TPO: variants seen among roughly 807,000 people sequenced by gnomAD.
TPO encodes thyroid peroxidase.
TPO carries 78 observed loss-of-function variants against 96.9 expected under a neutral mutation model. The ratio of observed to expected loss-of-function variants is 0.81; its 90% CI spans 0.67 to 0.97. TPO has a LOEUF of 0.97. Ranked by LOEUF, TPO falls within the 50% of genes least tolerant of loss-of-function variation. The pLI is 0.00. For synonymous variants in TPO, 547 were observed against 538.0 expected, an observed-to-expected ratio of 1.02 and a Z score of -0.23; for missense variants, 1,252 against 1,274.8, an observed-to-expected ratio of 0.98 and a Z score of 0.27.
In TPO at chr2:1,435,213, G is replaced by A. The variant is rs1366553288; in HGVS notation, c.350-1039G>A. 2.6e-5 allele frequency among the ~76,000 whole-genome samples: 4 copies of A among 152,304 alleles called. No individual in the cohort carries two copies. The East Asian group carries it at 5.8e-4, about 22-fold the overall frequency. On this transcript the variant is annotated intron_variant, in intron 4 of 16. Coordinates refer to ENST00000329066, the MANE Select transcript of TPO (RefSeq NM_001206744.2). ...CTCCCAAAGTGCTGGGATTACAGGC[G>A]TGAGCCACCGTACCCGGCCAATGGT...
At chr2:1,446,525 T>G (rs931687514) in intron 5 of TPO, among the ~76,000 whole-genome samples, 3 of 152,174 alleles carry the variant, frequency 2.0e-5, no homozygotes, top group African/African-American at 7.2e-5. Flanking sequence ...TCCTGTGGTT[T>G]AACTTCACAT....
chr2:1,419,971 C>T (rs1303320006), intron 2 of TPO, among the ~76,000 whole-genome samples: 3 of 152,194 alleles, frequency 2.0e-5, no homozygotes, highest in Non-Finnish European at 4.4e-5. Context: ...CATCTCTATT[C>T]AGCCAAGAAG....
chr2:1,455,599 G>A (rs1457306221), intron 6 of TPO, among the ~76,000 whole-genome samples: 1 of 152,176 alleles, frequency 6.6e-6, no homozygotes, highest in African/African-American at 2.4e-5. Flanking sequence ...ATGTCTGCGT[G>A]GAGAATGGAA....
At position 1,438,686 on chromosome 2, in the gene TPO, C is replaced by T. The variant is rs1203331450; in HGVS notation, c.482+2302C>T. 5 of 572,168 alleles carry T rather than the reference C, an allele frequency of 8.7e-6. No homozygotes were observed. In the East Asian group the frequency reaches 1.5e-4, roughly 17 times the overall value. 35.4% of individuals were successfully genotyped at this position (572,168 alleles called of 1,614,324 possible). A position where few individuals can be genotyped will look rare whatever the true frequency, so the allele number is the denominator to read the frequency against. On this transcript the variant is annotated intron_variant, in intron 5 of 16. Transcript: ENST00000329066. ...GCAAATTGCAGTGGAGGGTGAATTA[C>T]AGTGCTTGGGGAATCCCTGAGCAAA...
chr2:1,487,166 C>T (rs145529673), intron 9 of TPO, among the ~76,000 whole-genome samples: 194 of 152,294 alleles, frequency 1.3e-3, no homozygotes, highest in African/African-American at 4.4e-3. Context: ...TAAGCTGAGT[C>T]TTCCTTTCAC....
chr2:1,512,133 A>T (rs11211655), intron 14 of TPO, among the ~76,000 whole-genome samples: 3 of 151,878 alleles, frequency 2.0e-5, no homozygotes, highest in Admixed American at 6.6e-5. Flanking sequence ...TCCCGGGTTC[A>T]CGCCATTCTC....
At chr2:1,439,093 C>A in intron 5 of TPO, 1 of 457,640 alleles carries the variant, frequency 2.2e-6, no homozygotes, top group Non-Finnish European at 3.9e-6. Flanking sequence ...AACCTCAAGA[C>A]CAGGGCCTCA....
chr2:1,532,213 C>T (rs1678449534), intron 15 of TPO, among the ~76,000 whole-genome samples: 1 of 67,778 alleles, frequency 1.5e-5, no homozygotes, highest in African/African-American at 5.4e-5. Flanking sequence ...CCACTGTGAG[C>T]AACCTCCTCA....
intron 15 of TPO, among the ~76,000 whole-genome samples, chr2:1,524,706 C>T (rs1223209024): frequency 7.6e-6 from 1 of 131,986 alleles, no homozygotes; most frequent in Non-Finnish European, 1.7e-5. Context: ...TGTGTGCAAA[C>T]TCCCCACATT....
intron 1 of TPO, among the ~76,000 whole-genome samples, chr2:1,382,710 C>G (rs190737059): frequency 2.6e-5 from 4 of 151,948 alleles, no homozygotes; most frequent in Non-Finnish European, 4.4e-5. Flanking sequence ...GAAAAAGATG[C>G]TCTTTCTTTT....
intron 1 of TPO, among the ~76,000 whole-genome samples, chr2:1,384,282 A>C (rs1456849574): frequency 6.6e-6 from 1 of 152,140 alleles, no homozygotes; most frequent in Non-Finnish European, 1.5e-5. Flanking sequence ...ATGGCACTGA[A>C]TCTATAAATT....
intron 11 of TPO, among the ~76,000 whole-genome samples, chr2:1,495,602 G>A (rs1362089770): frequency 1.3e-5 from 2 of 152,218 alleles, no homozygotes. Context: ...TAGTCAACAA[G>A]CAAAGTGGCT....
At chr2:1,510,617 C>G (rs1490773607) in intron 14 of TPO, among the ~76,000 whole-genome samples, 1 of 152,114 alleles carries the variant, frequency 6.6e-6, no homozygotes, top group Non-Finnish European at 1.5e-5. Context: ...TTCCTCCTCC[C>G]GGAGAGCACC....
intron 7 of TPO, among the ~76,000 whole-genome samples, chr2:1,466,437 A>G (rs750630441): frequency 8.5e-5 from 13 of 152,158 alleles, no homozygotes; most frequent in African/African-American, 2.4e-4. Flanking sequence ...CTGTTTCTCT[A>G]TCTTGTGGAG....
intron 1 of TPO, among the ~76,000 whole-genome samples, chr2:1,401,475 C>T (rs1662170810): frequency 6.6e-6 from 1 of 152,118 alleles, no homozygotes; most frequent in African/African-American, 2.4e-5. Context: ...CACTCAAGAA[C>T]CCCAGCCCTG....
intron 2 of TPO, among the ~76,000 whole-genome samples, chr2:1,415,180 G>A (rs978004936): frequency 6.8e-6 from 1 of 147,928 alleles, no homozygotes; most frequent in African/African-American, 2.5e-5. Flanking sequence ...ACACCTCGCC[G>A]GGCAGGTCCC....
At position 1,542,657 on chromosome 2, in the gene TPO, G is replaced by A. The variant is rs748976179; in HGVS notation, c.*183G>A. ...ATAAATGTTATAGCTGCATTTGTCT[G>A]GCCTTTTCTTGTAAACATTGCCTGA... On this transcript the variant is annotated 3_prime_UTR_variant, in exon 17 of 17. Coordinates refer to ENST00000329066, the MANE Select transcript of TPO (RefSeq NM_001206744.2). 1.2e-5 allele frequency: 18 copies of A among 1,526,904 alleles called. No homozygotes were observed. The highest frequency in any genetic ancestry group is 1.4e-5 in the Non-Finnish European group (16 of 1,129,386). The allele number at this position is 1,526,904 out of a possible 1,614,324, so 94.6% of individuals were successfully genotyped here.
In TPO at chr2:1,510,208, G is replaced by C. The variant is rs1472673322; in HGVS notation, c.2518+6129G>C. Among the ~76,000 whole-genome samples, 12 of 152,262 alleles carry C rather than the reference G, an allele frequency of 7.9e-5. No individual in the cohort carries two copies. The East Asian group carries it at 2.3e-3, about 29-fold the overall frequency. On this transcript the variant is annotated intron_variant, in intron 14 of 16. Coordinates refer to ENST00000329066, the MANE Select transcript of TPO (RefSeq NM_001206744.2). Reference sequence around the variant, plus strand: ...TAAATCAATGGTTCAGATGTGAATTGCAAAGGTAGCCAGGTAGCGAAGCTG... The same window carrying C: ...TAAATCAATGGTTCAGATGTGAATTCCAAAGGTAGCCAGGTAGCGAAGCTG...
chr2:1,380,385 C>G (rs1661792098), intron 1 of TPO, among the ~76,000 whole-genome samples: 1 of 127,122 alleles, frequency 7.9e-6, no homozygotes, highest in African/African-American at 3.0e-5. Context: ...CAGAGCGAGA[C>G]TCTGTCTCAA....
Sources: allele counts gnomAD v4.1 joint callset (sites outside exome capture counted in the v4.1 genomes callset), GRCh38; gene constraint gnomAD v4.1.1; transcripts MANE v1.5; gene names NCBI Gene and HGNC (gene_info 2026-07-23, HGNC 2026-07-21).